The following HDAC9 variants were observed in gnomAD, a reference collection of about 807,000 sequenced individuals.
HDAC9 encodes the protein MEF-2 interacting transcription repressor (MITR) protein.
A neutral mutation model predicts 139.4 loss-of-function variants in HDAC9; 41 were observed. That is an observed-to-expected ratio of 0.29 (90% confidence interval 0.23 to 0.38). HDAC9 has a LOEUF of 0.38. HDAC9 is among the 10% of genes least tolerant of loss of function. The probability of loss-of-function intolerance (pLI) is 1.00; values close to 1 mark genes in which losing one functional copy is unlikely to be tolerated. For missense variants in HDAC9, 1,147 were observed against 1,297.0 expected (o/e 0.88, Z 1.78); for synonymous variants, 517 against 476.2 (o/e 1.09, Z -1.12).
intron 1 of HDAC9, among the ~76,000 whole-genome samples, chr7:18,425,035 C>T (rs953041729): frequency 8.6e-5 from 13 of 151,926 alleles, no homozygotes; most frequent in Admixed American, 7.2e-4. Context: ...TTGTGGGTTA[C>T]CTAGGAGAGG....
intron 2 of HDAC9, among the ~76,000 whole-genome samples, chr7:18,284,995 C>T (rs1006400699): frequency 1.3e-5 from 2 of 152,128 alleles, no homozygotes; most frequent in African/African-American, 4.8e-5. Context: ...TCTGAATTGC[C>T]AGACAAGCTT....
intron 22 of HDAC9, among the ~76,000 whole-genome samples, chr7:18,893,169 A>G (rs149041803): frequency 6.6e-6 from 1 of 152,050 alleles, no homozygotes; most frequent in Non-Finnish European, 1.5e-5. Context: ...TTTCATATTG[A>G]TGGTGACAGT....
chr7:18,666,808 A>C, intron 12 of HDAC9: 1 of 1,092,698 alleles, frequency 9.2e-7, no homozygotes, highest in Non-Finnish European at 1.1e-6. Context: ...ATTACTTCTA[A>C]AGAAAACAAA....
chr7:18,917,092 T>G (rs1475833809), intron 22 of HDAC9, among the ~76,000 whole-genome samples: 1 of 152,068 alleles, frequency 6.6e-6, no homozygotes, highest in Non-Finnish European at 1.5e-5. Context: ...TGTGAATATT[T>G]GTGGTAGACA....
intron 7 of HDAC9, among the ~76,000 whole-genome samples, chr7:18,630,455 G>T (rs1403262657): frequency 6.6e-6 from 1 of 152,158 alleles, no homozygotes; most frequent in Non-Finnish European, 1.5e-5. Flanking sequence ...CAATATAGAG[G>T]AAGACTGTGG....
At chr7:18,174,792 C>T (rs551132219) in intron 2 of HDAC9, among the ~76,000 whole-genome samples, 85 of 152,278 alleles carry the variant, frequency 5.6e-4, no homozygotes, top group African/African-American at 1.7e-3. Context: ...GGCTGCAGAA[C>T]AGCAAATATT....
chr7:18,384,864 C>G (rs1021173243), intron 1 of HDAC9, among the ~76,000 whole-genome samples: 1 of 152,092 alleles, frequency 6.6e-6, no homozygotes, highest in East Asian at 1.9e-4. Flanking sequence ...GCTCCTCATT[C>G]CATCCCAGTA....
intron 12 of HDAC9, among the ~76,000 whole-genome samples, chr7:18,696,944 G>A (rs1783099322): frequency 6.6e-6 from 1 of 151,930 alleles, no homozygotes; most frequent in African/African-American, 2.4e-5. Context: ...AGATATGATT[G>A]CAAAGATATC....
intron 7 of HDAC9, among the ~76,000 whole-genome samples, chr7:18,631,821 A>G (rs1413335235): frequency 6.6e-6 from 1 of 151,918 alleles, no homozygotes. Flanking sequence ...CTCCAGTTCC[A>G]ATATCATACA....
rs142794813 is a variant in HDAC9 at position 18,548,568 on chromosome 7, A to G, written c.23-36713A>G. 3.2e-3 allele frequency among the ~76,000 whole-genome samples: 484 copies of G among 152,336 alleles called. 4 individuals are homozygous for G. Among genetic ancestry groups the G allele is most frequent in the African/African-American group, 0.011 (467 of 41,566 alleles). ...TTGGATTTATTGCTTTAATAAGTGT[A>G]TGTGAGTCTATTGGTGTAACCTTCA... is the stretch of plus-strand genomic sequence containing the variant. On this transcript the variant is annotated intron_variant, in intron 2 of 25. Transcript: ENST00000686413.
chr7:18,978,832 T>C (rs1030378597), intron 25 of HDAC9, among the ~76,000 whole-genome samples: 27 of 152,204 alleles, frequency 1.8e-4, no homozygotes, highest in Admixed American at 6.5e-5. Flanking sequence ...CAGGCTCTGC[T>C]GAAGATCAAG....
intron 1 of HDAC9, among the ~76,000 whole-genome samples, chr7:18,311,695 C>CT (rs1799329468): frequency 6.6e-6 from 1 of 152,120 alleles, no homozygotes; most frequent in Non-Finnish European, 1.5e-5. Context: ...TATTCTACTA[C>CT]TGTCAAGGAG....
chr7:18,340,743 C>T (rs1781942724), intron 1 of HDAC9, among the ~76,000 whole-genome samples: 1 of 151,496 alleles, frequency 6.6e-6, no homozygotes, highest in Non-Finnish European at 1.5e-5. Context: ...TTTGTTTAAA[C>T]ATTCAAGTAT....
chr7:18,706,763 A>G (rs546446828), intron 12 of HDAC9, among the ~76,000 whole-genome samples: 3 of 152,206 alleles, frequency 2.0e-5, no homozygotes, highest in Non-Finnish European at 4.4e-5. Flanking sequence ...CCCAACAACA[A>G]ATAATTATTT....
intron 2 of HDAC9, among the ~76,000 whole-genome samples, chr7:18,546,243 T>C (rs1002439334): frequency 2.0e-5 from 3 of 152,228 alleles, no homozygotes; most frequent in African/African-American, 7.2e-5. Context: ...AAGAATATGA[T>C]TTCAGAATAT....
At chr7:18,270,954 G>A (rs1452259540) in intron 2 of HDAC9, among the ~76,000 whole-genome samples, 2 of 151,946 alleles carry the variant, frequency 1.3e-5, no homozygotes, top group Non-Finnish European at 2.9e-5. Context: ...TTGTTAATTT[G>A]CAAAAATAAA....
At chr7:18,602,689 GTTTT>G (rs1209784850) in intron 6 of HDAC9, among the ~76,000 whole-genome samples, 11 of 151,712 alleles carry the variant, frequency 7.3e-5, no homozygotes, top group Non-Finnish European at 1.5e-4. Flanking sequence ...TATCCTGAGA[GTTTT>G]TTTAAGTCAT....
At chr7:18,252,408 T>C (rs1046568417) in intron 2 of HDAC9, among the ~76,000 whole-genome samples, 2 of 152,166 alleles carry the variant, frequency 1.3e-5, no homozygotes, top group Non-Finnish European at 2.9e-5. Flanking sequence ...TTTAATGTTT[T>C]TATAACTGCA....
intron 2 of HDAC9, among the ~76,000 whole-genome samples, chr7:18,534,382 C>T (rs1353057013): frequency 1.3e-5 from 2 of 151,854 alleles, no homozygotes. Flanking sequence ...TTCTACAAAA[C>T]AACAACAACA....
Sources: gnomAD v4.1 joint callset for allele counts (sites outside exome capture counted in the v4.1 genomes callset) on GRCh38, gnomAD v4.1.1 for gene constraint, MANE v1.5 for transcripts, NCBI Gene and HGNC (gene_info 2026-07-23, HGNC 2026-07-21) for gene names.